The following ADAMTS12 variants were observed in gnomAD, a reference collection of about 807,000 sequenced individuals.
ADAMTS12 encodes the protein ADAM metallopeptidase with thrombospondin type 1 motif 12.
In ADAMTS12, 118 loss-of-function variants were observed where a neutral mutation model predicts 167.8. The observed-to-expected ratio is 0.70, with a 90% confidence interval of 0.61 to 0.82. The LOEUF is 0.82. Among genes scored for constraint, ADAMTS12 ranks in the 40% least tolerant of loss-of-function variants. ADAMTS12 has a pLI of 0.00. For missense variants in ADAMTS12, 1,916 were observed against 1,998.8 expected, an observed-to-expected ratio of 0.96 and a Z score of 0.79; for synonymous variants, 704 against 716.9, an observed-to-expected ratio of 0.98 and a Z score of 0.29.
At chr5:33,745,608 T>C (rs1323448981) in intron 3 of ADAMTS12, among the ~76,000 whole-genome samples, 2 of 152,082 alleles carry the variant, frequency 1.3e-5, no homozygotes, top group Non-Finnish European at 2.9e-5. Context: ...TTGTGTTTCC[T>C]GGAGAGCCGT....
At chr5:33,706,305 C>T (rs1219776437) in intron 3 of ADAMTS12, among the ~76,000 whole-genome samples, 1 of 152,056 alleles carries the variant, frequency 6.6e-6, no homozygotes, top group Non-Finnish European at 1.5e-5. Context: ...GTGTTAAAGT[C>T]CCCCACTATT....
intron 11 of ADAMTS12, among the ~76,000 whole-genome samples, chr5:33,641,217 A>T (rs1362868331): frequency 1.3e-5 from 2 of 152,188 alleles, no homozygotes; most frequent in Admixed American, 6.5e-5. Context: ...ATGAAAAATT[A>T]AGCAATTTGC....
chr5:33,572,201 C>T (rs954367584), intron 19 of ADAMTS12, among the ~76,000 whole-genome samples: 6 of 152,266 alleles, frequency 3.9e-5, no homozygotes, highest in East Asian at 3.9e-4. Context: ...CCTTCTGAAA[C>T]TATTCCAATC....
intron 3 of ADAMTS12, among the ~76,000 whole-genome samples, chr5:33,721,153 C>G: frequency 6.6e-6 from 1 of 152,024 alleles, no homozygotes; most frequent in Admixed American, 6.6e-5. Flanking sequence ...TATGAAACAC[C>G]AAAAAGGCCA....
At chr5:33,620,989 A>T (rs1739295788) in intron 14 of ADAMTS12, among the ~76,000 whole-genome samples, 1 of 152,230 alleles carries the variant, frequency 6.6e-6, no homozygotes, top group African/African-American at 2.4e-5. Context: ...CAGTGGAAGC[A>T]TTAGCTGCTT....
At chr5:33,823,683 CAT>C (rs1485283577) in intron 2 of ADAMTS12, among the ~76,000 whole-genome samples, 1 of 151,068 alleles carries the variant, frequency 6.6e-6, no homozygotes, top group Non-Finnish European at 1.5e-5. Context: ...AGAAACTTCA[CAT>C]GTTTAGGTGG....
intron 2 of ADAMTS12, among the ~76,000 whole-genome samples, chr5:33,874,195 C>T (rs965519794): frequency 1.3e-5 from 2 of 152,068 alleles, no homozygotes; most frequent in Non-Finnish European, 2.9e-5. Flanking sequence ...CAACTGCTGT[C>T]AAAATTTACA....
intron 16 of ADAMTS12, among the ~76,000 whole-genome samples, chr5:33,613,890 C>T (rs575785302): frequency 6.6e-6 from 1 of 152,354 alleles, no homozygotes; most frequent in Non-Finnish European, 1.5e-5. Flanking sequence ...TTATGGTACA[C>T]ATTTGAGGAG....
chr5:33,764,227 A>G (rs113922801), intron 2 of ADAMTS12, among the ~76,000 whole-genome samples: 1,608 of 152,318 alleles, frequency 0.011, 11 homozygotes, highest in Non-Finnish European at 0.018. Context: ...TTTAATTATT[A>G]GAAATCTCTT....
intron 2 of ADAMTS12, among the ~76,000 whole-genome samples, chr5:33,843,721 T>C (rs1258819981): frequency 1.3e-5 from 2 of 152,154 alleles, no homozygotes; most frequent in African/African-American, 2.4e-5. Flanking sequence ...CCTGAGACCA[T>C]GAATAATAAC....
intron 17 of ADAMTS12, among the ~76,000 whole-genome samples, chr5:33,589,713 T>C (rs995023236): frequency 3.3e-5 from 5 of 152,194 alleles, no homozygotes; most frequent in East Asian, 1.9e-4. Context: ...TCCCTTCATA[T>C]AGTAACAAGT....
In ADAMTS12 at chr5:33,630,866, C is replaced by T. The variant is rs201288457; in HGVS notation, c.1936G>A (p.Glu646Lys). The stretch of plus-strand genomic sequence containing the variant: ...TCAATGACAGCATCCAGCATTTTCT[C>T]AGAAAACTGGCCATCTATGGGTCGG... ...YCRPIDGQFS[E>K]KMLDAVIDGT... is the part of the protein sequence containing the mutation. The change falls in exon 13 of 24, where the codon GAG becomes AAG. Residue 646 changes from glutamate (E) to lysine (K), a missense_variant. By Grantham distance (56) the Glu-to-Lys change is moderately conservative. Coordinates refer to ENST00000504830, the MANE Select transcript of ADAMTS12 (RefSeq NM_030955.4). 1 of 1,613,698 alleles carries T rather than the reference C, an allele frequency of 6.2e-7. No individual in the cohort carries two copies. The highest frequency in any genetic ancestry group is 2.2e-5 in the East Asian group (1 of 44,860).
At chr5:33,753,122 C>A (rs563670061) in intron 2 of ADAMTS12, among the ~76,000 whole-genome samples, 1 of 152,180 alleles carries the variant, frequency 6.6e-6, no homozygotes, top group East Asian at 1.9e-4. Flanking sequence ...AAGGGGGCAA[C>A]GCCTACTACC....
chr5:33,668,543 G>A (rs767859148), intron 5 of ADAMTS12, among the ~76,000 whole-genome samples: 5 of 152,104 alleles, frequency 3.3e-5, no homozygotes, highest in South Asian at 2.1e-4. Flanking sequence ...TCACTCTGTC[G>A]CCCAGGCTGG....
At chr5:33,588,470 G>T in intron 18 of ADAMTS12, 129 bp downstream of exon 18, 3 of 1,083,760 alleles carry the variant, frequency 2.8e-6, no homozygotes, top group Non-Finnish European at 4.3e-6. Flanking sequence ...CAGGAGACAG[G>T]CCAGGGGTGA....
chr5:33,617,292 T>G (rs745525976), intron 14 of ADAMTS12, among the ~76,000 whole-genome samples: 5 of 152,110 alleles, frequency 3.3e-5, no homozygotes, highest in Non-Finnish European at 7.4e-5. Context: ...GGATATGCAC[T>G]ACGTTATTTG....
At chr5:33,821,709 T>G (rs1747876180) in intron 2 of ADAMTS12, among the ~76,000 whole-genome samples, 1 of 152,172 alleles carries the variant, frequency 6.6e-6, no homozygotes, top group Admixed American at 6.6e-5. Flanking sequence ...AAAAAATCAT[T>G]CCTGTTGCTT....
rs371701275 is a variant in ADAMTS12 at position 33,752,487 on chromosome 5, T to C, written c.490-939A>G. Among the ~76,000 whole-genome samples, 10 of 152,334 alleles carry C rather than the reference T, an allele frequency of 6.6e-5. No homozygotes were observed. In the South Asian group the frequency reaches 1.7e-3, roughly 25 times the overall value. ...AGTGAGCAAGTGACTGGCTGAGTTT[T>C]TAATTTCTCAGCTGAAAAATAGGAT... is the stretch of plus-strand genomic sequence containing the variant. On this transcript the variant is annotated intron_variant, in intron 2 of 23. Coordinates refer to ENST00000504830, the MANE Select transcript of ADAMTS12 (RefSeq NM_030955.4).
intron 3 of ADAMTS12, among the ~76,000 whole-genome samples, chr5:33,704,495 C>A (rs1743114864): frequency 6.6e-6 from 1 of 152,140 alleles, no homozygotes; most frequent in African/African-American, 2.4e-5. Flanking sequence ...TTATCCACAT[C>A]TTCACTAGCA....
Sources: allele counts gnomAD v4.1 joint callset (sites outside exome capture counted in the v4.1 genomes callset), GRCh38; gene constraint gnomAD v4.1.1; transcripts MANE v1.5; gene names NCBI Gene and HGNC (gene_info 2026-07-23, HGNC 2026-07-21).